The following IL12RB1 variants were observed in gnomAD, a reference collection of about 807,000 sequenced individuals.
IL12RB1 encodes the protein interleukin 12 receptor subunit beta 1, also known as interleukin-12 receptor subunit beta-1.
IL12RB1 carries 64 observed loss-of-function variants against 94.4 expected under a neutral mutation model. That is an observed-to-expected ratio of 0.68 (90% CI 0.55 to 0.83). The LOEUF (loss-of-function observed/expected upper bound fraction) is 0.83. Ranked by LOEUF, IL12RB1 falls within the 40% of genes least tolerant of loss-of-function variation. The pLI is 0.00. For missense variants in IL12RB1, 814 were observed against 855.6 expected (o/e 0.95, Z 0.61); for synonymous variants, 362 against 355.5 (o/e 1.02, Z -0.21).
At chr19:18,078,375 C>G (rs899904299) in intron 4 of IL12RB1, among the ~76,000 whole-genome samples, 3 of 151,950 alleles carry the variant, frequency 2.0e-5, no homozygotes, top group African/African-American at 7.2e-5. Context: ...CCACTGCCCT[C>G]CGGCCTGGGT....
chr19:18,072,946 CAAAAA>C lies in IL12RB1; in HGVS notation c.783+566_783+570del, dbSNP rs11336251. Among the ~76,000 whole-genome samples the C allele has an allele frequency of 8.6e-3, 650 of 75,192 alleles. 3 individuals carry two copies. The highest frequency in any genetic ancestry group is 0.034 in the African/African-American group (614 of 18,294). The allele number at this position is 75,192 out of a possible 152,430, so 49.3% of individuals were successfully genotyped here. On this transcript the variant is annotated intron_variant, in intron 8 of 16. Transcript: ENST00000593993. ...TGGGCGACAGAGCAAGACTCCATCT[CAAAAA>C]AAAAAAAAAAAAAAGGAAAAAAAAG...
chr19:18,069,353 A>G (rs1411201898), intron 10 of IL12RB1, among the ~76,000 whole-genome samples, 193 bp downstream of exon 10: 2 of 152,238 alleles, frequency 1.3e-5, no homozygotes, highest in East Asian at 1.9e-4. Flanking sequence ...TGCCAGCAAG[A>G]GGTTCCAGAC....
In IL12RB1 at chr19:18,072,264, G is replaced by A. The variant is rs1007100999; in HGVS notation, c.869C>T (p.Ser290Phe). The A allele has an allele frequency of 1.2e-6, 2 of 1,613,928 alleles. No homozygotes were observed. The highest frequency in any genetic ancestry group is 2.7e-5 in the African/African-American group (2 of 74,934). The change falls in exon 9 of 17, where the codon TCC becomes TTC. Residue 290 changes from serine to phenylalanine, a missense_variant. Ser to Phe is a radical substitution (Grantham distance 155, BLOSUM62 -2). Coordinates refer to ENST00000593993, the MANE Select transcript of IL12RB1 (RefSeq NM_005535.3). ...VTYRLQLHML[S>F]CPCKAKATRT... The stretch of plus-strand genomic sequence containing the variant: ...GGTGGCCTTGGCCTTACACGGGCAG[G>A]ACAGCATGTGGAGCTGTAGTCGGTA...
rs1599561867 is a variant in IL12RB1, at chr19:18,083,563, G to A, written c.65-72C>T. 3 of 1,472,380 alleles carry A rather than the reference G, an allele frequency of 2.0e-6. No homozygotes were observed. In the East Asian group the frequency reaches 6.8e-5, roughly 33 times the overall value. 91.2% of individuals were successfully genotyped at this position (1,472,380 alleles called of 1,614,324 possible). The stretch of plus-strand genomic sequence containing the variant: ...GTGGGGAGAAGGGCTCAGCCTTGGG[G>A]TCTACACCCAAGTGATCATCAGCCC... On this transcript the variant is annotated intron_variant, in intron 1 of 16. Transcript: ENST00000593993.
At chr19:18,086,274 A>G (rs2036337274) in intron 1 of IL12RB1, among the ~76,000 whole-genome samples, 1 of 151,252 alleles carries the variant, frequency 6.6e-6, no homozygotes. Context: ...ATAAATAAGT[A>G]AAGTATACGG....
intron 11 of IL12RB1, 21 bp downstream of exon 11, chr19:18,068,368 C>T (rs1479487897): frequency 1.3e-6 from 2 of 1,582,704 alleles, no homozygotes; most frequent in Non-Finnish European, 1.7e-6. Flanking sequence ...TAATGTAAAC[C>T]TGCAGGTTTG....
intron 1 of IL12RB1, among the ~76,000 whole-genome samples, chr19:18,093,878 C>G (rs2036758797): frequency 6.6e-6 from 1 of 152,160 alleles, no homozygotes; most frequent in Non-Finnish European, 1.5e-5. Context: ...CCCCCATTGA[C>G]TTCTGCCTTC....
intron 8 of IL12RB1, among the ~76,000 whole-genome samples, 187 bp downstream of exon 8, chr19:18,073,330 C>A (rs1357983799): frequency 2.0e-5 from 3 of 152,082 alleles, no homozygotes; most frequent in African/African-American, 4.8e-5. Flanking sequence ...CAGTCATGTG[C>A]CTCTCCTGCT....
intron 1 of IL12RB1, among the ~76,000 whole-genome samples, chr19:18,084,115 G>A (rs55721908): frequency 7.9e-6 from 1 of 126,612 alleles, no homozygotes; most frequent in East Asian, 2.7e-4. Flanking sequence ...ATCCATCCAC[G>A]CATCTACCCA....
intron 1 of IL12RB1, among the ~76,000 whole-genome samples, chr19:18,083,822 C>CCCAT (rs1488113212): frequency 6.9e-6 from 1 of 145,232 alleles, no homozygotes; most frequent in Non-Finnish European, 1.5e-5. Flanking sequence ...CACCCATCTA[C>CCCAT]CCATCCATCC....
chr19:18,080,875 C>T lies in IL12RB1; in HGVS notation c.366G>A (p.Gln122=), dbSNP rs1158141873. The T allele has an allele frequency of 6.2e-7, 1 of 1,612,282 alleles. No individual in the cohort carries two copies. The highest frequency in any genetic ancestry group is 1.7e-5 in the Admixed American group (1 of 59,998). Residue 122 remains glutamine (Q), a synonymous_variant, in exon 4 of 17, where the codon CAG becomes CAA. Transcript: ENST00000593993. ...TLWVESWARN[Q]TEKSPEVTLQ... ...GGGTCACCTCAGGAGACTTCTCTGT[C>T]TGGTTCCTGGCCCAGGATTCCACCC...
intron 10 of IL12RB1, among the ~76,000 whole-genome samples, chr19:18,068,758 T>C (rs1341084120): frequency 6.7e-6 from 1 of 150,224 alleles, no homozygotes; most frequent in South Asian, 2.1e-4. Flanking sequence ...TTCTTTTTTT[T>C]TTTTTTTTGA....
At position 18,068,544 on chromosome 19, in the gene IL12RB1, G is replaced by A; in HGVS notation, c.1190-18C>T. ...GTAGGTTGCTGGAAGGATAAGCAAA[G>A]GCCAGGCCATTCAGTAGATTGTGTT... On this transcript the variant is annotated intron_variant, in intron 10 of 16. Transcript: ENST00000593993. 1 of 1,608,924 alleles carries A rather than the reference G, an allele frequency of 6.2e-7. No homozygotes were observed. The highest frequency in any genetic ancestry group is 2.2e-5 in the East Asian group (1 of 44,824).
In IL12RB1 at chr19:18,062,178, T is replaced by G; in HGVS notation, c.1715+3A>C. On this transcript the variant is annotated splice_donor_region_variant and intron_variant, in intron 14 of 16. Transcript: ENST00000593993. ...TATGGTAACGGTAAGAGGTGTCAGT[T>G]ACCTGTTCAGGCCAAGGTAGCCAAG... The G allele has an allele frequency of 1.3e-6, 2 of 1,593,270 alleles. No individual in the cohort carries two copies. Among genetic ancestry groups the G allele is most frequent in the Non-Finnish European group, 8.6e-7 (1 of 1,161,166 alleles).
At chr19:18,080,688 G>A in intron 4 of IL12RB1, 144 bp downstream of exon 4, 1 of 729,450 alleles carries the variant, frequency 1.4e-6, no homozygotes, top group South Asian at 1.4e-5. Context: ...TGTCACAATA[G>A]TGTTTGCGTG....
intron 13 of IL12RB1, among the ~76,000 whole-genome samples, chr19:18,063,088 T>C: frequency 2.2e-4 from 8 of 35,568 alleles, no homozygotes; most frequent in Non-Finnish European, 5.3e-4. Flanking sequence ...ATTTTTTTTT[T>C]TTTTTTTTTT....
chr19:18,080,330 C>G (rs2035802948), intron 4 of IL12RB1, among the ~76,000 whole-genome samples: 1 of 152,120 alleles, frequency 6.6e-6, no homozygotes, highest in African/African-American at 2.4e-5. Context: ...CCTCCACCTC[C>G]CGGGTTCAAG....
intron 13 of IL12RB1, 54 bp from the exon 14 acceptor site, chr19:18,062,331 G>A: frequency 8.7e-7 from 1 of 1,148,214 alleles, no homozygotes; most frequent in South Asian, 1.3e-5. Flanking sequence ...TCTTCCTCAG[G>A]GAAGGAGCTA....
At chr19:18,069,778 G>A in intron 9 of IL12RB1, 65 bp from the exon 10 acceptor site, 1 of 1,180,140 alleles carries the variant, frequency 8.5e-7, no homozygotes, top group South Asian at 1.2e-5. Context: ...CCCTTCTCTG[G>A]CTCCTGCAGC....
Sources: allele counts gnomAD v4.1 joint callset (sites outside exome capture counted in the v4.1 genomes callset), GRCh38; gene constraint gnomAD v4.1.1; transcripts MANE v1.5; gene names NCBI Gene and HGNC (gene_info 2026-07-23, HGNC 2026-07-21).